The following LCOR variants were observed in gnomAD, a reference collection of about 807,000 sequenced individuals.
LCOR encodes ligand-dependent corepressor.
In LCOR, 14 loss-of-function variants were observed where a neutral mutation model predicts 64.4. The observed-to-expected ratio is 0.22, with a 90% CI of 0.14 to 0.34. The LOEUF is 0.34. Among genes scored for constraint, LCOR ranks in the 10% least tolerant of loss-of-function variants. The probability of loss-of-function intolerance (pLI) is 1.00; values close to 1 mark genes in which losing one functional copy is unlikely to be tolerated. For missense variants in LCOR, 1,686 were observed against 1,765.3 expected (o/e 0.96, Z 0.80); for synonymous variants, 643 against 642.5 (o/e 1.00, Z -0.01).
In LCOR at chr10:96,984,638, CAGA is replaced by C. The variant is rs1026829731; in HGVS notation, c.4181_4183del (p.Glu1394del). 19 of 1,614,046 alleles carry C rather than the reference CAGA, an allele frequency of 1.2e-5. No homozygotes were observed. In the African/African-American group the frequency reaches 2.4e-4, roughly 20 times the overall value. ...CAGGTGTCTGAAATCTTGCCTAAAG[CAGA>C]AGTTCAGAGTAAACGCAAGAGAACA... On this transcript the variant is annotated inframe_deletion, in exon 8 of 8. Transcript: ENST00000421806.
rs1845349746 is a variant in LCOR at position 96,832,376 on chromosome 10, G to C, written c.-427G>C. 1.0e-6 allele frequency: 1 copy of C among 985,028 alleles called. No homozygotes were observed. The highest frequency in any genetic ancestry group is 1.2e-6 in the Non-Finnish European group (1 of 829,390). The allele number at this position is 985,028 out of a possible 1,614,324, so 61.0% of individuals were successfully genotyped here. A position where few individuals can be genotyped will look rare whatever the true frequency, so the allele number is the denominator to read the frequency against. On this transcript the variant is annotated 5_prime_UTR_variant, in exon 1 of 8. Coordinates refer to ENST00000421806, the MANE Select transcript of LCOR (RefSeq NM_001346516.2). ...TTTCGGCAAGAACTGGATTCGTGGC[G>C]CCACAAGCTCATTCACTGTGTAGGT...
intron 2 of LCOR, among the ~76,000 whole-genome samples, chr10:96,855,892 C>T (rs1214541837): frequency 1.3e-5 from 2 of 151,344 alleles, no homozygotes; most frequent in Admixed American, 1.3e-4. Flanking sequence ...CAGGCATGCA[C>T]CACCATGCCC....
chr10:96,836,262 T>A (rs1845439461), intron 2 of LCOR, among the ~76,000 whole-genome samples: 1 of 152,148 alleles, frequency 6.6e-6, no homozygotes, highest in Non-Finnish European at 1.5e-5. Context: ...TAGTGAGAAT[T>A]GGTTATTTGA....
At chr10:96,832,783 C>G (rs892366129) in intron 1 of LCOR, among the ~76,000 whole-genome samples, 19 of 150,660 alleles carry the variant, frequency 1.3e-4, no homozygotes, top group African/African-American at 3.9e-4. Context: ...CGCCTCGCGG[C>G]GCTGCCGCTG....
At position 96,979,663 on chromosome 10, in the gene LCOR, G is replaced by A. The variant is rs189142058; in HGVS notation, c.333-1130G>A. ...ACTACTACCTTGCAGTGACAGGCCT[G>A]TACAGTTTAGTGTGGCTTCATAGCT... is the stretch of plus-strand genomic sequence containing the variant. On this transcript the variant is annotated intron_variant, in intron 7 of 7. Transcript: ENST00000421806. Among the ~76,000 whole-genome samples, 459 of 152,314 alleles carry A rather than the reference G, an allele frequency of 3.0e-3. 3 individuals carry two copies. Among genetic ancestry groups the A allele is most frequent in the African/African-American group, 0.011 (439 of 41,576 alleles).
chr10:96,968,620 C>G (rs1296223351), intron 7 of LCOR, among the ~76,000 whole-genome samples: 2 of 152,000 alleles, frequency 1.3e-5, no homozygotes, highest in Admixed American at 1.3e-4. Context: ...AGAGAATACC[C>G]CAAGTTTGAG....
At chr10:96,873,572 G>A (rs12246074) in intron 2 of LCOR, among the ~76,000 whole-genome samples, 24 of 3,812 alleles carry the variant, frequency 6.3e-3, no homozygotes, top group Admixed American at 7.9e-3. Flanking sequence ...ACACACACAC[G>A]TGTGTGTGTG....
At chr10:96,919,768 T>A (rs1478463401) in intron 4 of LCOR, among the ~76,000 whole-genome samples, 3 of 152,254 alleles carry the variant, frequency 2.0e-5, no homozygotes, top group Non-Finnish European at 4.4e-5. Flanking sequence ...GTTTTGTGAC[T>A]GACTTGTATT....
intron 2 of LCOR, among the ~76,000 whole-genome samples, chr10:96,869,927 A>G (rs143102978): frequency 6.6e-6 from 1 of 152,164 alleles, no homozygotes; most frequent in African/African-American, 2.4e-5. Context: ...TGTAAGCTTC[A>G]TGAGGATGTA....
At chr10:96,868,279 T>A (rs1846011394) in intron 2 of LCOR, among the ~76,000 whole-genome samples, 1 of 125,460 alleles carries the variant, frequency 8.0e-6, no homozygotes, top group African/African-American at 4.2e-5. Flanking sequence ...TTTTCTTTTC[T>A]TTTTTTTTTT....
intron 7 of LCOR, among the ~76,000 whole-genome samples, chr10:96,974,651 C>T (rs1564644053): frequency 6.6e-6 from 1 of 152,100 alleles, no homozygotes; most frequent in African/African-American, 2.4e-5. Context: ...AGCTGCCCAA[C>T]AATATTCTAA....
rs1170159493 is a variant in LCOR at position 96,990,192 on chromosome 10, G to C, written c.*5058G>C. On this transcript the variant is annotated 3_prime_UTR_variant, in exon 8 of 8. Coordinates refer to ENST00000421806, the MANE Select transcript of LCOR (RefSeq NM_001346516.2). ...CCTCCCCCTGCCCAGCCCCCAGACA[G>C]GGTCTCACTCTGTCGCCCCAGGCTG... 6.6e-6 allele frequency: 1 copy of C among 152,150 alleles called. No individual in the cohort carries two copies. The highest frequency in any genetic ancestry group is 1.5e-5 in the Non-Finnish European group (1 of 68,014). 9.4% of individuals were successfully genotyped at this position (152,150 alleles called of 1,614,324 possible).
intron 2 of LCOR, among the ~76,000 whole-genome samples, chr10:96,852,879 C>T (rs956913270): frequency 2.0e-5 from 3 of 152,086 alleles, no homozygotes; most frequent in African/African-American, 4.8e-5. Flanking sequence ...ATGTGAGTAG[C>T]TTTGTCTCTT....
At chr10:96,943,854 T>C (rs1180662815) in intron 4 of LCOR, among the ~76,000 whole-genome samples, 1 of 152,118 alleles carries the variant, frequency 6.6e-6, no homozygotes, top group Non-Finnish European at 1.5e-5. Flanking sequence ...ATTATCCCTC[T>C]GGCAGTTAAA....
intron 2 of LCOR, among the ~76,000 whole-genome samples, chr10:96,838,941 G>C (rs550237449): frequency 8.3e-4 from 126 of 152,260 alleles, no homozygotes; most frequent in African/African-American, 2.9e-3. Context: ...ATTCCCATCA[G>C]TACTGTATGA....
At chr10:96,907,771 T>A in intron 4 of LCOR, 24 bp downstream of exon 4, 4 of 792,182 alleles carry the variant, frequency 5.0e-6, no homozygotes, top group Non-Finnish European at 6.1e-6. Flanking sequence ...CTGTGAAACT[T>A]TTATTTAGTG....
intron 2 of LCOR, among the ~76,000 whole-genome samples, chr10:96,860,095 A>G (rs1845863779): frequency 6.6e-6 from 1 of 152,314 alleles, no homozygotes; most frequent in South Asian, 2.1e-4. Flanking sequence ...TCTAACAGAA[A>G]TGGATATAGG....
chr10:96,906,854 A>C (rs1324748529), intron 2 of LCOR, among the ~76,000 whole-genome samples: 1 of 152,210 alleles, frequency 6.6e-6, no homozygotes, highest in East Asian at 1.9e-4. Context: ...CTGTTGTCTC[A>C]ACTGGTATTT....
At chr10:96,952,422 T>C (rs769714249) in intron 7 of LCOR, among the ~76,000 whole-genome samples, 36 of 152,218 alleles carry the variant, frequency 2.4e-4, no homozygotes, top group Admixed American at 6.5e-5. Flanking sequence ...AATATGGCAA[T>C]TATTTCTTTG....
Sources: allele counts gnomAD v4.1 joint callset (sites outside exome capture counted in the v4.1 genomes callset), GRCh38; gene constraint gnomAD v4.1.1; transcripts MANE v1.5; gene names NCBI Gene and HGNC (gene_info 2026-07-23, HGNC 2026-07-21).